Variants in IMPG1 observed in about 807,000 individuals in gnomAD.
IMPG1 encodes the protein interphotoreceptor matrix proteoglycan of 150 kDa.
IMPG1 carries 85 observed loss-of-function variants against 92.0 expected under a neutral mutation model. The observed-to-expected ratio is 0.92, with a 90% CI of 0.78 to 1.11. The LOEUF is 1.11. IMPG1 is among the 50% of genes least tolerant of loss of function. IMPG1 has a pLI of 0.00. For missense variants in IMPG1, 1,022 were observed against 956.0 expected (o/e 1.07, Z -0.91); for synonymous variants, 367 against 334.1 (o/e 1.10, Z -1.08).
At chr6:75,997,033 A>G (rs544997034) in intron 12 of IMPG1, among the ~76,000 whole-genome samples, 1 of 152,222 alleles carries the variant, frequency 6.6e-6, no homozygotes, top group Non-Finnish European at 1.5e-5. Flanking sequence ...TGAAGGACAT[A>G]TTAAGTCACC....
intron 12 of IMPG1, among the ~76,000 whole-genome samples, chr6:75,974,404 C>CCTTCCTTCCTTCCTTCCTTCCTTG (rs1562354950): frequency 6.5e-5 from 7 of 108,014 alleles, no homozygotes; most frequent in Non-Finnish European, 1.2e-4. Context: ...TTCTTTCTTT[C>CCTTCCTTCCTTCCTTCCTTCCTTG]CTTCCTTCCT....
At chr6:76,053,411 GACA>G (rs1303332414) in intron 1 of IMPG1, among the ~76,000 whole-genome samples, 2 of 152,226 alleles carry the variant, frequency 1.3e-5, no homozygotes, top group East Asian at 1.9e-4. Context: ...GGTGGATGGG[GACA>G]ACAAGTAACA....
intron 1 of IMPG1, among the ~76,000 whole-genome samples, chr6:76,048,535 T>G (rs1783983814): frequency 1.3e-5 from 2 of 152,188 alleles, no homozygotes; most frequent in African/African-American, 4.8e-5. Flanking sequence ...TAAGACCAAC[T>G]CTCCACTTAG....
chr6:76,041,753 G>T, intron 2 of IMPG1, 140 bp downstream of exon 2: 1 of 634,066 alleles, frequency 1.6e-6, no homozygotes, highest in Non-Finnish European at 2.8e-6. Flanking sequence ...ATTACTATCA[G>T]ATTATCACTA....
chr6:76,064,537 T>C (rs1463854778), intron 1 of IMPG1, among the ~76,000 whole-genome samples: 1 of 151,998 alleles, frequency 6.6e-6, no homozygotes, highest in African/African-American at 2.4e-5. Context: ...CTCTCCTCAC[T>C]GGGGAGACCT....
At chr6:76,005,557 T>C (rs1487498111) in intron 9 of IMPG1, 23 bp from the exon 10 acceptor site, 1 of 1,609,572 alleles carries the variant, frequency 6.2e-7, no homozygotes, top group South Asian at 1.1e-5. Context: ...GAGGACACAT[T>C]CCCCACCCAA....
Position 75,931,116 on chromosome 6 carries a change from C to T in IMPG1, c.2080G>A (p.Gly694Ser), listed in dbSNP as rs778381530. Reference sequence around the variant, plus strand: ...TTCTTTACACATTGGGCAAATTCGCCGCAGGCCAGGAACTTGCAGGGATCT... The same window carrying T: ...TTCTTTACACATTGGGCAAATTCGCTGCAGGCCAGGAACTTGCAGGGATCT... ...QADPCKFLAC[G>S]EFAQCVKNER... Residue 694 changes from glycine to serine, a missense_variant, in exon 15 of 17, where the codon GGC (glycine) becomes AGC (serine). This residue lies in a region of IMPG1 where 332 missense variants were observed against 346.2 expected (regional missense o/e 0.96). Transcript: ENST00000369950. 6.9e-5 allele frequency: 112 copies of T among 1,613,812 alleles called. 2 individuals carry two copies. The South Asian group carries it at 8.7e-4, about 13-fold the overall frequency.
chr6:76,068,945 A>G (rs919840826), intron 1 of IMPG1, among the ~76,000 whole-genome samples: 1 of 152,152 alleles, frequency 6.6e-6, no homozygotes, highest in Non-Finnish European at 1.5e-5. Flanking sequence ...TCATATAGAA[A>G]AAACAACAAA....
intron 7 of IMPG1, among the ~76,000 whole-genome samples, chr6:76,014,890 A>G (rs1205901301): frequency 6.6e-6 from 1 of 152,174 alleles, no homozygotes; most frequent in African/African-American, 2.4e-5. Flanking sequence ...ATTAAGAGTC[A>G]GCTTTGTTTA....
intron 12 of IMPG1, among the ~76,000 whole-genome samples, chr6:75,992,357 T>C (rs1782826476): frequency 6.6e-6 from 1 of 152,226 alleles, no homozygotes; most frequent in South Asian, 2.1e-4. Flanking sequence ...ACAGCAGGTG[T>C]TCAACTCCAG....
chr6:75,967,461 G>C (rs1782325947), intron 12 of IMPG1, among the ~76,000 whole-genome samples: 1 of 152,076 alleles, frequency 6.6e-6, no homozygotes, highest in Admixed American at 6.5e-5. Context: ...CGTCTGTGAG[G>C]CGTGGGTCCT....
At chr6:75,986,040 T>A (rs1467563303) in intron 12 of IMPG1, among the ~76,000 whole-genome samples, 1 of 152,114 alleles carries the variant, frequency 6.6e-6, no homozygotes, top group Admixed American at 6.5e-5. Flanking sequence ...AATAGTGCAA[T>A]AAAACAAACA....
intron 1 of IMPG1, among the ~76,000 whole-genome samples, chr6:76,057,973 ATAAAAT>A (rs1784147723): frequency 9.8e-5 from 1 of 10,240 alleles, no homozygotes; most frequent in Admixed American, 1.9e-3. Flanking sequence ...TTCAGTAAAA[ATAAAAT>A]AAAATAAAAT....
rs200194885 is a variant in IMPG1 at position 76,034,757 on chromosome 6, C to T, written c.332G>A (p.Arg111Gln). The change falls in exon 3 of 17, where the codon CGG (arginine) becomes CAG (glutamine). Residue 111 changes from arginine to glutamine, a missense_variant. Arg to Gln is a conservative substitution (Grantham distance 43). Around this residue, in one of 3 missense-constraint regions of IMPG1, gnomAD observed 681 missense variants for 583.6 expected, o/e 1.17. Transcript: ENST00000369950. The stretch of plus-strand genomic sequence containing the variant: ...GTCAGGGATGCGATCCAGAAAGATC[C>T]GATATGCTTCCCATACTGCTTCCTG... ...VCQEAVWEAY[R>Q]IFLDRIPDTG... is the part of the protein sequence containing the mutation. The T allele has an allele frequency of 4.1e-5, 66 of 1,613,918 alleles. No homozygotes were observed. Among genetic ancestry groups the T allele is most frequent in the Middle Eastern group, 3.3e-4 (2 of 6,082 alleles).
chr6:75,973,064 T>TGAGCTC (rs1034736075), intron 12 of IMPG1, among the ~76,000 whole-genome samples: 4 of 152,216 alleles, frequency 2.6e-5, no homozygotes, highest in African/African-American at 9.6e-5. Flanking sequence ...CTCGGCCTCC[T>TGAGCTC]GAGCTCGAGC....
intron 7 of IMPG1, among the ~76,000 whole-genome samples, chr6:76,015,056 C>T (rs186799738): frequency 1.1e-3 from 167 of 152,272 alleles, no homozygotes; most frequent in African/African-American, 3.8e-3. Flanking sequence ...TGCACAGGGG[C>T]CTCCCTGATT....
chr6:75,970,284 T>C (rs1455693444), intron 12 of IMPG1, among the ~76,000 whole-genome samples: 3 of 152,166 alleles, frequency 2.0e-5, no homozygotes, highest in Non-Finnish European at 4.4e-5. Flanking sequence ...GCTACAAAGA[T>C]GGGTGTTGCC....
At chr6:76,051,848 A>C (rs545838787) in intron 1 of IMPG1, among the ~76,000 whole-genome samples, 4 of 152,298 alleles carry the variant, frequency 2.6e-5, no homozygotes, top group African/African-American at 7.2e-5. Context: ...AGGTTTAACC[A>C]TCAGACTTGC....
rs1272156599 is a variant in IMPG1 at position 76,005,545 on chromosome 6, C to T, written c.888-11G>A. On this transcript the variant is annotated splice_polypyrimidine_tract_variant and intron_variant, in intron 9 of 16. Coordinates refer to ENST00000369950, the MANE Select transcript of IMPG1 (RefSeq NM_001563.4). ...TCTGTGGAGCTTGAGCTGTAGATAGCAGAGGACACATTCCCCACCCAAAGC... is the reference window on the plus strand; with the variant it reads ...TCTGTGGAGCTTGAGCTGTAGATAGTAGAGGACACATTCCCCACCCAAAGC... 3 of 1,612,166 alleles carry T rather than the reference C, an allele frequency of 1.9e-6. No homozygotes were observed. Among genetic ancestry groups the T allele is most frequent in the Admixed American group, 3.3e-5 (2 of 59,840 alleles).
Sources: allele counts gnomAD v4.1 joint callset (sites outside exome capture counted in the v4.1 genomes callset), GRCh38; gene constraint gnomAD v4.1.1; regional missense constraint gnomAD v4.1.1; transcripts MANE v1.5; gene names NCBI Gene and HGNC (gene_info 2026-07-23, HGNC 2026-07-21).